Variants in PCDHA6 observed in about 807,000 individuals in gnomAD.
PCDHA6 encodes the protein protocadherin alpha 6.
PCDHA6 carries 55 observed loss-of-function variants against 60.3 expected under a neutral mutation model. That is an observed-to-expected ratio of 0.91 (90% CI 0.73 to 1.14). PCDHA6 has a LOEUF of 1.14. PCDHA6 is among the 50% of genes most tolerant of loss of function. The pLI, the probability that PCDHA6 is intolerant of heterozygous loss-of-function variation, is 0.00. For missense variants in PCDHA6, 1,327 were observed against 1,256.5 expected (o/e 1.06, Z -0.85); for synonymous variants, 652 against 557.9 (o/e 1.17, Z -2.38).
chr5:140,855,802 G>C (rs1329894390), intron 1 of PCDHA6: 4 of 477,838 alleles, frequency 8.4e-6, no homozygotes, highest in Non-Finnish European at 1.5e-5. Context: ...ACATATGAAT[G>C]AAAGAAAAGT....
Position 140,828,727 on chromosome 5 carries a change from G to A in PCDHA6, c.636G>A (p.Leu212=), listed in dbSNP as rs1769906344. The part of the protein sequence containing the change: ...REEAPAHNLF[L]TATDGGKPEL... ...AAGCTCCTGCACACAACTTATTCCT[G>A]ACAGCCACAGATGGGGGCAAACCTG... Residue 212 remains leucine (L), a synonymous_variant, in exon 1 of 4, where the codon CTG becomes CTA. Transcript: ENST00000529310. The A allele has an allele frequency of 1.2e-6, 2 of 1,614,210 alleles. No individual in the cohort carries two copies. The highest frequency in any genetic ancestry group is 1.3e-5 in the African/African-American group (1 of 75,074).
At chr5:140,867,783 G>A (rs1426151534) in intron 1 of PCDHA6, 1 of 152,002 alleles carries the variant, frequency 6.6e-6, no homozygotes, top group Non-Finnish European at 1.5e-5. Flanking sequence ...AGCAATTCCT[G>A]TATTTTACTT....
At chr5:140,850,558 G>T (rs2150489293) in intron 1 of PCDHA6, 3 of 1,598,326 alleles carry the variant, frequency 1.9e-6, no homozygotes, top group Non-Finnish European at 2.6e-6. Flanking sequence ...GGTGCCACGG[G>T]CCCCGAGGTG....
chr5:140,966,893 C>CA (rs1554228863), intron 1 of PCDHA6: 3 of 1,595,686 alleles, frequency 1.9e-6, no homozygotes, highest in African/African-American at 1.3e-5. Context: ...TGCGGCCTCC[C>CA]AGCTGCGATA....
At position 140,830,430 on chromosome 5, in the gene PCDHA6, C is replaced by T. The variant is rs1483777919; in HGVS notation, c.2339C>T (p.Pro780Leu). The change falls in exon 1 of 4, where the codon CCT becomes CTT. Residue 780 changes from proline to leucine, a missense_variant. By Grantham distance (98) the Pro-to-Leu change is moderately conservative. Transcript: ENST00000529310. Reference sequence around the variant, plus strand: ...TTTAGCCCCAGCCTTTCACCTTGTCCTATTATGATGGGTAAGGCGGAGAAT... The same window carrying T: ...TTTAGCCCCAGCCTTTCACCTTGTCTTATTATGATGGGTAAGGCGGAGAAT... ...MAFSPSLSPC[P>L]IMMGKAENQD... The T allele has an allele frequency of 3.7e-6, 6 of 1,613,592 alleles. No homozygotes were observed. Among genetic ancestry groups the T allele is most frequent in the Non-Finnish European group, 5.1e-6 (6 of 1,179,656 alleles).
At chr5:140,857,293 G>A (rs1554149807) in intron 1 of PCDHA6, 1 of 1,598,774 alleles carries the variant, frequency 6.3e-7, no homozygotes, top group Admixed American at 1.7e-5. Flanking sequence ...TGGACCGCGA[G>A]AGGGTGTCGG....
At chr5:140,843,026 C>T in intron 1 of PCDHA6, 2 of 1,595,146 alleles carry the variant, frequency 1.3e-6, no homozygotes, top group Non-Finnish European at 1.7e-6. Context: ...GCTGGAGCCT[C>T]GGGTGGGTGG....
intron 1 of PCDHA6, chr5:140,857,929 G>A: frequency 1.3e-6 from 2 of 1,597,764 alleles, no homozygotes; most frequent in Non-Finnish European, 1.7e-6. Flanking sequence ...GGCTGTACAC[G>A]GGCGAGATCA....
chr5:140,911,052 G>T (rs1172408042), intron 1 of PCDHA6, among the ~76,000 whole-genome samples: 1 of 152,044 alleles, frequency 6.6e-6, no homozygotes, highest in Non-Finnish European at 1.5e-5. Context: ...AGGGGTGGTG[G>T]GGGGTGGGTC....
At chr5:140,960,068 T>C (rs144291604) in intron 1 of PCDHA6, among the ~76,000 whole-genome samples, 1 of 152,358 alleles carries the variant, frequency 6.6e-6, no homozygotes, top group African/African-American at 2.4e-5. Flanking sequence ...GAAGATTCAA[T>C]TGAAGTTTCT....
chr5:140,836,791 G>T (rs780841391), intron 1 of PCDHA6: 4 of 1,417,390 alleles, frequency 2.8e-6, no homozygotes, highest in Non-Finnish European at 2.9e-6. Context: ...TAGTTCAATT[G>T]GTCTCCTTAA....
intron 1 of PCDHA6, chr5:140,878,103 GA>G (rs748975221): frequency 2.9e-4 from 75 of 261,846 alleles, no homozygotes; most frequent in African/African-American, 1.3e-3. Context: ...GATGAACCTT[GA>G]AAAAAACAGT....
chr5:140,856,920 A>T (rs1554149295), intron 1 of PCDHA6: 1 of 1,595,604 alleles, frequency 6.3e-7, no homozygotes, highest in Admixed American at 1.7e-5. Flanking sequence ...ATAAGAAGGA[A>T]ATTTTGGATA....
chr5:140,963,109 T>G (rs1490746394), intron 1 of PCDHA6, among the ~76,000 whole-genome samples: 1 of 152,128 alleles, frequency 6.6e-6, no homozygotes, highest in Non-Finnish European at 1.5e-5. Context: ...TCAGGTTGCT[T>G]ATAATTAAAG....
In PCDHA6 at chr5:140,828,051, C is replaced by T. The variant is rs2150150373; in HGVS notation, c.-41C>T. On this transcript the variant is annotated 5_prime_UTR_variant, in exon 1 of 4. Transcript: ENST00000529310. The stretch of plus-strand genomic sequence containing the variant: ...GAACATACAGTATTTTATCTTTATG[C>T]GGAAGATCTTCTAATGGAAATAAAA... The T allele has an allele frequency of 2.6e-6, 4 of 1,545,274 alleles. No individual in the cohort carries two copies. In the South Asian group the frequency reaches 3.8e-5, roughly 15 times the overall value.
chr5:140,982,324 C>G, intron 2 of PCDHA6, 151 bp from the exon 3 acceptor site: 2 of 1,393,878 alleles, frequency 1.4e-6, no homozygotes, highest in East Asian at 5.1e-5. Context: ...TGCAGGGTGA[C>G]TGCTCAGCAG....
chr5:140,907,087 G>A (rs1554192866), intron 1 of PCDHA6, among the ~76,000 whole-genome samples: 2 of 152,194 alleles, frequency 1.3e-5, no homozygotes, highest in Non-Finnish European at 2.9e-5. Flanking sequence ...GTGATGGTAA[G>A]TGGTGCCACT....
intron 1 of PCDHA6, among the ~76,000 whole-genome samples, chr5:140,898,000 T>G (rs1420296585): frequency 6.6e-5 from 10 of 152,348 alleles, no homozygotes; most frequent in African/African-American, 2.4e-4. Flanking sequence ...TTGAGAAGTG[T>G]CTGTTCATAT....
At chr5:140,854,159 C>CAAAAAA (rs59855104) in intron 1 of PCDHA6, 412 of 341,018 alleles carry the variant, frequency 1.2e-3, no homozygotes, top group Non-Finnish European at 1.4e-3. Flanking sequence ...GATTCTGTCT[C>CAAAAAA]AAAAAAAAAA....
Sources: gnomAD v4.1 joint callset for allele counts (sites outside exome capture counted in the v4.1 genomes callset) on GRCh38, gnomAD v4.1.1 for gene constraint, MANE v1.5 for transcripts, NCBI Gene and HGNC (gene_info 2026-07-23, HGNC 2026-07-21) for gene names.